Variants in MAPK8IP2 observed in about 807,000 individuals in gnomAD.
MAPK8IP2 encodes the protein C-Jun-amino-terminal kinase-interacting protein 2.
In MAPK8IP2, 15 loss-of-function variants were observed where a neutral mutation model predicts 75.6. The ratio of observed to expected loss-of-function variants is 0.20; its 90% CI spans 0.13 to 0.31. The LOEUF (loss-of-function observed/expected upper bound fraction) is 0.31, where lower values mean the gene tolerates loss of function less well. Ranked by LOEUF, MAPK8IP2 falls within the 10% of genes least tolerant of loss-of-function variation. The pLI is 1.00. For synonymous variants in MAPK8IP2, 632 were observed against 554.5 expected (o/e 1.14, Z -1.96); for missense variants, 1,089 against 1,211.2 (o/e 0.90, Z 1.50).
rs78395847 is a variant in MAPK8IP2, at chr22:50,605,244, C to T, written c.1766-124C>T. On this transcript the variant is annotated intron_variant, in intron 5 of 11. Transcript: ENST00000329492. Reference sequence around the variant, plus strand: ...GGCCTGCTCTGCCTCAGCTCCTTCCCGCTCGTAGGACACCTACACCGGACT... The same window carrying T: ...GGCCTGCTCTGCCTCAGCTCCTTCCTGCTCGTAGGACACCTACACCGGACT... The T allele has an allele frequency of 3.8e-3, 4,271 of 1,134,942 alleles. 102 individuals carry two copies. In the African/African-American group the frequency reaches 0.058, roughly 16 times the overall value. The allele number at this position is 1,134,942 out of a possible 1,614,324, so 70.3% of individuals were successfully genotyped here.
chr22:50,610,600 G>T lies in MAPK8IP2; in HGVS notation c.2403-107G>T. ...GGCCATGCCTGGGTGGGGGGTTATGGATGGCTGCAGAGGGAGGAAGGAGGG... is the reference window on the plus strand; with the variant it reads ...GGCCATGCCTGGGTGGGGGGTTATGTATGGCTGCAGAGGGAGGAAGGAGGG... On this transcript the variant is annotated intron_variant, in intron 11 of 11. Coordinates refer to ENST00000329492, the MANE Select transcript of MAPK8IP2 (RefSeq NM_012324.6). This position sits in a 1 kb window ranked among gnomAD's most constrained non-coding sequence, Gnocchi z 4.3. 2.2e-6 allele frequency: 2 copies of T among 915,178 alleles called. No individual in the cohort carries two copies. Among genetic ancestry groups the T allele is most frequent in the East Asian group, 2.6e-5 (1 of 38,098 alleles). The allele number at this position is 915,178 out of a possible 1,614,324, so 56.7% of individuals were successfully genotyped here.
intron 3 of MAPK8IP2, 62 bp from the exon 4 acceptor site, chr22:50,603,564 G>T: frequency 6.3e-7 from 1 of 1,580,908 alleles, no homozygotes; most frequent in Non-Finnish European, 8.6e-7. Flanking sequence ...GCTGCAGCCA[G>T]CCCTGCTCAC....
intron 10 of MAPK8IP2, among the ~76,000 whole-genome samples, chr22:50,608,925 T>C (rs2071099180): frequency 6.6e-6 from 1 of 152,148 alleles, no homozygotes; most frequent in Admixed American, 6.5e-5. Flanking sequence ...AGAAGGAAAC[T>C]GGGTGAAGCT....
At chr22:50,605,286 C>T (rs911164135) in intron 5 of MAPK8IP2, 82 bp from the exon 6 acceptor site, 26 of 1,398,272 alleles carry the variant, frequency 1.9e-5, no homozygotes, top group Non-Finnish European at 2.3e-5. Flanking sequence ...GGGACTTGGC[C>T]TCTGCCCAAG....
intron 10 of MAPK8IP2, chr22:50,609,925 A>T (rs749771392): frequency 1.6e-6 from 1 of 608,444 alleles, no homozygotes; most frequent in East Asian, 3.8e-5. Flanking sequence ...CAGGCCCTGA[A>T]TAGGGCCACA....
At chr22:50,606,083 G>A in intron 8 of MAPK8IP2, 149 bp downstream of exon 8, 1 of 691,782 alleles carries the variant, frequency 1.4e-6, no homozygotes, top group Non-Finnish European at 2.4e-6. Context: ...GGAGCTCGGG[G>A]TGGGTACCCC....
rs919708247 is a variant in MAPK8IP2, at chr22:50,611,099, C to T, written c.*320C>T. The T allele has an allele frequency of 3.7e-5, 11 of 297,012 alleles. No homozygotes were observed. The highest frequency in any genetic ancestry group is 2.2e-4 in the African/African-American group (10 of 46,154). The allele number at this position is 297,012 out of a possible 1,614,324, so 18.4% of individuals were successfully genotyped here. On this transcript the variant is annotated 3_prime_UTR_variant, in exon 12 of 12. Coordinates refer to ENST00000329492, the MANE Select transcript of MAPK8IP2 (RefSeq NM_012324.6). This position sits in a 1 kb window ranked among gnomAD's most constrained non-coding sequence, Gnocchi z 5.5. ...TCTCTGTGCCTGCAAACCTTATCCT[C>T]TATTCTTCACTTTGGGGTCAGAACT...
At chr22:50,605,263 C>A (rs1313165764) in intron 5 of MAPK8IP2, 105 bp from the exon 6 acceptor site, 3 of 1,198,676 alleles carry the variant, frequency 2.5e-6, no homozygotes, top group Non-Finnish European at 3.6e-6. Context: ...GACACCTACA[C>A]CGGACTGTGG....
rs974225897 is a variant in MAPK8IP2 at position 50,611,091 on chromosome 22, C to T, written c.*312C>T. ...TCTGCCCCTCTCTGTGCCTGCAAAC[C>T]TTATCCTCTATTCTTCACTTTGGGG... On this transcript the variant is annotated 3_prime_UTR_variant, in exon 12 of 12. Transcript: ENST00000329492. This position sits in a 1 kb window ranked among gnomAD's most constrained non-coding sequence, Gnocchi z 5.5. The T allele has an allele frequency of 7.8e-5, 26 of 334,866 alleles. No homozygotes were observed. The highest frequency in any genetic ancestry group is 4.7e-4 in the African/African-American group (22 of 47,196). 20.7% of individuals were successfully genotyped at this position (334,866 alleles called of 1,614,324 possible). A position where few individuals can be genotyped will look rare whatever the true frequency, so the allele number is the denominator to read the frequency against.
Position 50,610,575 on chromosome 22 carries a change from G to A in MAPK8IP2, c.2403-132G>A. On this transcript the variant is annotated intron_variant, in intron 11 of 11. Coordinates refer to ENST00000329492, the MANE Select transcript of MAPK8IP2 (RefSeq NM_012324.6). The surrounding 1 kb of genome is among the most constrained non-coding windows in gnomAD (Gnocchi z 4.3). ...TGAGGGTCACACTTGGGGGTGACAT[G>A]GCCATGCCTGGGTGGGGGGTTATGG... 3 of 764,958 alleles carry A rather than the reference G, an allele frequency of 3.9e-6. No individual in the cohort carries two copies. Among genetic ancestry groups the A allele is most frequent in the Non-Finnish European group, 6.5e-6 (3 of 458,396 alleles). 47.4% of individuals were successfully genotyped at this position (764,958 alleles called of 1,614,324 possible).
intron 3 of MAPK8IP2, 22 bp from the exon 4 acceptor site, chr22:50,603,604 C>A: frequency 1.3e-6 from 2 of 1,586,532 alleles, no homozygotes; most frequent in Non-Finnish European, 1.7e-6. Context: ...CTCAGGACCG[C>A]CGTCATGTAT....
Position 50,604,709 on chromosome 22 carries a change from G to GGAGGACGAA in MAPK8IP2, c.1419_1427dup (p.Glu473_Asp475dup), listed in dbSNP as rs774769472. On this transcript the variant is annotated inframe_insertion, in exon 5 of 12. Coordinates refer to ENST00000329492, the MANE Select transcript of MAPK8IP2 (RefSeq NM_012324.6). ...CCTGCTCCGCCGCCTGCTCCGAGGA[G>GGAGGACGAA]GAGGACGAAGAGGACGACGAGGAAG... The GGAGGACGAA allele has an allele frequency of 1.8e-3, 2,753 of 1,531,194 alleles. 4 individuals carry two copies. Among genetic ancestry groups the GGAGGACGAA allele is most frequent in the Non-Finnish European group, 2.3e-3 (2,647 of 1,140,990 alleles). 94.9% of individuals were successfully genotyped at this position (1,531,194 alleles called of 1,614,324 possible).
In MAPK8IP2 at chr22:50,602,990, T is replaced by C. The variant is rs1282006382; in HGVS notation, c.172-233T>C. ...AGTCTGAAAGTGGGGCTGGGGCTGC[T>C]CTGAGAATCCCTGTCATTCAGCTGT... On this transcript the variant is annotated intron_variant, in intron 2 of 11. Coordinates refer to ENST00000329492, the MANE Select transcript of MAPK8IP2 (RefSeq NM_012324.6). The C allele has an allele frequency of 5.0e-6, 4 of 794,080 alleles. No individual in the cohort carries two copies. The Admixed American group carries it at 1.2e-4, about 24-fold the overall frequency. 49.2% of individuals were successfully genotyped at this position (794,080 alleles called of 1,614,324 possible).
intron 10 of MAPK8IP2, among the ~76,000 whole-genome samples, chr22:50,609,403 A>C (rs1460101038): frequency 6.6e-6 from 1 of 152,146 alleles, no homozygotes; most frequent in East Asian, 1.9e-4. Flanking sequence ...GTGCCTGAGT[A>C]ATGCAGGAAG....
intron 8 of MAPK8IP2, 108 bp from the exon 9 acceptor site, chr22:50,606,550 G>A: frequency 1.3e-6 from 1 of 795,832 alleles, no homozygotes. Context: ...CTCAGCATGT[G>A]TGTCCTCAAA....
Position 50,607,369 on chromosome 22 carries a change from T to C in MAPK8IP2, c.2303+378T>C, listed in dbSNP as rs1277273876. Among the ~76,000 whole-genome samples the C allele has an allele frequency of 6.6e-6, 1 of 152,008 alleles. No individual in the cohort carries two copies. Among genetic ancestry groups the C allele is most frequent in the Non-Finnish European group, 1.5e-5 (1 of 67,998 alleles). The stretch of plus-strand genomic sequence containing the variant: ...GTCTAGCTGAGCCAAGGGTGTGGGA[T>C]GCACTGGTCGGGGGCTATATAGGCT... On this transcript the variant is annotated intron_variant, in intron 10 of 11. Transcript: ENST00000329492. This position sits in a 1 kb window ranked among gnomAD's most constrained non-coding sequence, Gnocchi z 5.6.
Position 50,604,530 on chromosome 22 carries a change from A to T in MAPK8IP2, c.1231A>T (p.Met411Leu). 1 of 1,186,140 alleles carries T rather than the reference A, an allele frequency of 8.4e-7. No individual in the cohort carries two copies. Among genetic ancestry groups the T allele is most frequent in the South Asian group, 4.0e-5 (1 of 24,724 alleles). The allele number at this position is 1,186,140 out of a possible 1,614,324, so 73.5% of individuals were successfully genotyped here. The change falls in exon 5 of 12, where the codon ATG (methionine) becomes TTG (leucine). Residue 411 changes from methionine to leucine, a missense_variant. This residue lies in a region of MAPK8IP2 where 960 missense variants were observed against 1,009.6 expected (regional missense o/e 0.95). Transcript: ENST00000329492. ...GCCCGGCGGCGTGGAGCTGGTGGACATGGAGACGCTGTGCGCGCCGCCGCC... is the reference window on the plus strand; with the variant it reads ...GCCCGGCGGCGTGGAGCTGGTGGACTTGGAGACGCTGTGCGCGCCGCCGCC... ...AGPGGVELVD[M>L]ETLCAPPPPA...
chr22:50,606,816 A>G (rs1286748913), intron 9 of MAPK8IP2, 51 bp downstream of exon 9: 1 of 1,586,626 alleles, frequency 6.3e-7, no homozygotes, highest in Non-Finnish European at 8.6e-7. Flanking sequence ...GGGTTAGGCC[A>G]CGGAGTCCGA....
In MAPK8IP2 at chr22:50,604,987, C is replaced by T. The variant is rs759031555; in HGVS notation, c.1688C>T (p.Thr563Ile). 39 of 1,612,312 alleles carry T rather than the reference C, an allele frequency of 2.4e-5. No individual in the cohort carries two copies. Among genetic ancestry groups the T allele is most frequent in the Non-Finnish European group, 3.1e-5 (36 of 1,179,806 alleles). ...LLGGGQVSGDTSPDSPDLTFS... is the reference protein window; with the variant it reads ...LLGGGQVSGDISPDSPDLTFS... ...GGCGGCGGTCAGGTCTCGGGGGACA[C>T]CTCGCCGGACAGCCCTGACCTCACT... Residue 563 changes from threonine (T) to isoleucine (I), a missense_variant, in exon 5 of 12, where the codon ACC becomes ATC. This residue lies in a region of MAPK8IP2 where 960 missense variants were observed against 1,009.6 expected (regional missense o/e 0.95). Transcript: ENST00000329492.
Sources: gnomAD v4.1 joint callset for allele counts (sites outside exome capture counted in the v4.1 genomes callset) on GRCh38, gnomAD v4.1.1 for gene constraint, gnomAD v4.1.1 regional missense constraint, Gnocchi (gnomAD v3.1) non-coding constraint, MANE v1.5 for transcripts, NCBI Gene and HGNC (gene_info 2026-07-23, HGNC 2026-07-21) for gene names.